The following VOPP1 variants were observed in gnomAD, a reference collection of about 807,000 sequenced individuals.
VOPP1 encodes the protein WW domain binding protein VOPP1.
In VOPP1, 8 loss-of-function variants were observed where a neutral mutation model predicts 23.5. The observed-to-expected ratio is 0.34, with a 90% CI of 0.20 to 0.61. The LOEUF (loss-of-function observed/expected upper bound fraction) is 0.61. VOPP1 is among the 20% of genes least tolerant of loss of function. VOPP1 has a pLI of 0.78. For synonymous variants in VOPP1, 83 were observed against 97.3 expected (o/e 0.85, Z 0.86); for missense variants, 174 against 238.1 (o/e 0.73, Z 1.77).
At chr7:55,440,104 C>T (rs374419849) in intron 4 of VOPP1, among the ~76,000 whole-genome samples, 3 of 152,218 alleles carry the variant, frequency 2.0e-5, no homozygotes, top group African/African-American at 7.2e-5. Flanking sequence ...CAGGTTTGTG[C>T]GTTCCTTGCC....
intron 3 of VOPP1, chr7:55,492,843 T>G (rs541871966): frequency 6.5e-6 from 1 of 154,954 alleles, no homozygotes; most frequent in African/African-American, 2.4e-5. Flanking sequence ...TCTGTCTCTG[T>G]TTTCCATTCT....
chr7:55,467,915 T>A (rs934077422), downstream of VOPP1, among the ~76,000 whole-genome samples: 1 of 152,238 alleles, frequency 6.6e-6, no homozygotes, highest in African/African-American at 2.4e-5. Context: ...CAAGCTAAAC[T>A]GGTATTTTCT....
intron 1 of VOPP1, among the ~76,000 whole-genome samples, chr7:55,539,202 G>A (rs1456190726): frequency 1.3e-5 from 2 of 151,964 alleles, no homozygotes; most frequent in Admixed American, 6.6e-5. Flanking sequence ...AAAATTAGCC[G>A]GGCATGGTGG....
At chr7:55,434,997 T>C (rs143584557), downstream of VOPP1, among the ~76,000 whole-genome samples, 1 of 152,262 alleles carries the variant, frequency 6.6e-6, no homozygotes, top group East Asian at 1.9e-4. Context: ...TTTGCTAAAT[T>C]TACAAATACA....
At chr7:55,529,637 A>C (rs1304769982) in intron 1 of VOPP1, among the ~76,000 whole-genome samples, 1 of 152,186 alleles carries the variant, frequency 6.6e-6, no homozygotes, top group African/African-American at 2.4e-5. Context: ...TAGTTTGATG[A>C]GTTTTAGGAA....
intron 2 of VOPP1, among the ~76,000 whole-genome samples, chr7:55,512,704 C>T (rs1013950080): frequency 8.5e-5 from 13 of 152,238 alleles, no homozygotes; most frequent in Non-Finnish European, 1.9e-4. Context: ...GCTAGGGAAG[C>T]GCCCCCGCCC....
At chr7:55,452,504 A>G (rs1562881740) in intron 4 of VOPP1, among the ~76,000 whole-genome samples, 1 of 152,196 alleles carries the variant, frequency 6.6e-6, no homozygotes, top group Admixed American at 6.5e-5. Flanking sequence ...AAGGTTTTCA[A>G]TTTACTTTGC....
intron 1 of VOPP1, among the ~76,000 whole-genome samples, chr7:55,557,663 T>C (rs1431111987): frequency 3.3e-5 from 5 of 152,120 alleles, no homozygotes; most frequent in African/African-American, 1.2e-4. Context: ...AGGGGCCAAG[T>C]AACTCTGCCC....
chr7:55,546,353 G>A lies in VOPP1; in HGVS notation c.55-25223C>T, dbSNP rs146583579. 1.3e-4 allele frequency among the ~76,000 whole-genome samples: 20 copies of A among 152,326 alleles called. No individual in the cohort carries two copies. In the East Asian group the frequency reaches 2.1e-3, roughly 16 times the overall value. On this transcript the variant is annotated intron_variant, in intron 1 of 4. Transcript: ENST00000285279. ...CAAAGAGAACACTTAAGGGAAAGGCGGAATTATATGCTCTATGGACCGTGA... is the reference window on the plus strand; with the variant it reads ...CAAAGAGAACACTTAAGGGAAAGGCAGAATTATATGCTCTATGGACCGTGA...
intron 4 of VOPP1, among the ~76,000 whole-genome samples, chr7:55,485,195 C>T (rs1014840727): frequency 6.6e-6 from 1 of 152,130 alleles, no homozygotes; most frequent in Non-Finnish European, 1.5e-5. Context: ...GCTTTGTTTT[C>T]AGTAATCATC....
At chr7:55,549,898 GAA>G (rs35281628) in intron 1 of VOPP1, among the ~76,000 whole-genome samples, 1 of 152,114 alleles carries the variant, frequency 6.6e-6, no homozygotes, top group African/African-American at 2.4e-5. Context: ...ATCTTGCTTG[GAA>G]AAAGACTTTT....
intron 4 of VOPP1, among the ~76,000 whole-genome samples, chr7:55,479,920 A>G (rs1792575882): frequency 6.6e-6 from 1 of 152,148 alleles, no homozygotes; most frequent in African/African-American, 2.4e-5. Context: ...TTGTGCTGAC[A>G]GCCTCTTCAG....
At chr7:55,498,781 G>C (rs1001678162) in intron 2 of VOPP1, among the ~76,000 whole-genome samples, 9 of 152,170 alleles carry the variant, frequency 5.9e-5, no homozygotes, top group African/African-American at 2.2e-4. Context: ...TTATGTAGAA[G>C]TATGTGTAGA....
chr7:55,492,162 A>AGC, intron 4 of VOPP1, 120 bp downstream of exon 4: 1 of 1,372,712 alleles, frequency 7.3e-7, no homozygotes, highest in Non-Finnish European at 9.6e-7. Flanking sequence ...GAACTAAAAA[A>AGC]ATGAATAACA....
At chr7:55,523,930 T>C (rs568767167) in intron 1 of VOPP1, among the ~76,000 whole-genome samples, 1 of 152,196 alleles carries the variant, frequency 6.6e-6, no homozygotes, top group Non-Finnish European at 1.5e-5. Context: ...TTTCAGATAA[T>C]AAAGTAGAAA....
At chr7:55,569,307 TAAC>T (rs761290154) in intron 1 of VOPP1, among the ~76,000 whole-genome samples, 2 of 152,210 alleles carry the variant, frequency 1.3e-5, no homozygotes, top group Non-Finnish European at 2.9e-5. Flanking sequence ...GCACAGCTCT[TAAC>T]AACATCCTAT....
intron 1 of VOPP1, among the ~76,000 whole-genome samples, chr7:55,547,884 AG>A (rs1224870699): frequency 6.6e-6 from 1 of 152,156 alleles, no homozygotes; most frequent in Non-Finnish European, 1.5e-5. Flanking sequence ...CTGAGCCTGC[AG>A]GCATGTGCAT....
At chr7:55,553,795 A>C in intron 1 of VOPP1, 1 of 125,106 alleles carries the variant, frequency 8.0e-6, no homozygotes, top group Non-Finnish European at 1.8e-5. Flanking sequence ...ACACACACAC[A>C]CACACACACA....
At chr7:55,488,045 A>C (rs773597832) in intron 4 of VOPP1, among the ~76,000 whole-genome samples, 41 of 152,324 alleles carry the variant, frequency 2.7e-4, no homozygotes, top group Non-Finnish European at 4.3e-4. Context: ...TGAATAAATG[A>C]ATGAAGACAA....
Sources: allele counts gnomAD v4.1 joint callset (sites outside exome capture counted in the v4.1 genomes callset), GRCh38; gene constraint gnomAD v4.1.1; transcripts MANE v1.5; gene names NCBI Gene and HGNC (gene_info 2026-07-23, HGNC 2026-07-21).